Variants in ADRA1D observed in about 807,000 individuals in gnomAD.
The protein encoded by ADRA1D is alpha-1D adrenergic receptor.
ADRA1D carries 22 observed loss-of-function variants against 18.6 expected under a neutral mutation model. The ratio of observed to expected loss-of-function variants is 1.19; its 90% CI spans 0.85 to 1.69. The LOEUF (loss-of-function observed/expected upper bound fraction) is 1.69, where lower values mean the gene tolerates loss of function less well. Ranked by LOEUF, ADRA1D falls within the 40% of genes most tolerant of loss-of-function variation. The pLI is 0.00. For missense variants in ADRA1D, 840 were observed against 840.7 expected, an observed-to-expected ratio of 1.00 and a Z score of 0.01; for synonymous variants, 376 against 388.2, an observed-to-expected ratio of 0.97 and a Z score of 0.37.
chr20:4,233,179 G>A (rs1326165400), intron 1 of ADRA1D, among the ~76,000 whole-genome samples: 1 of 152,064 alleles, frequency 6.6e-6, no homozygotes, highest in Non-Finnish European at 1.5e-5. Context: ...AATCATCCAG[G>A]CTGGGTGTGG....
rs1371992311 is a variant in ADRA1D, at chr20:4,220,737, T to C, written c.*786A>G. 3 of 152,696 alleles carry C rather than the reference T, an allele frequency of 2.0e-5. No homozygotes were observed. The highest frequency in any genetic ancestry group is 1.3e-4 in the Admixed American group (2 of 15,296). The allele number at this position is 152,696 out of a possible 1,614,324, so 9.5% of individuals were successfully genotyped here. A position where few individuals can be genotyped will look rare whatever the true frequency, so the allele number is the denominator to read the frequency against. On this transcript the variant is annotated 3_prime_UTR_variant, in exon 2 of 2. Coordinates refer to ENST00000379453, the MANE Select transcript of ADRA1D (RefSeq NM_000678.4). ...GGTTATGGGCTAAAGAGGGACAGTT[T>C]GCACAGCTTGGACAAAATAGAAGTA...
At position 4,221,549 on chromosome 20, in the gene ADRA1D, T is replaced by C. The variant is rs1167789836; in HGVS notation, c.1693A>G (p.Ser565Gly). Residue 565 changes from serine to glycine, a missense_variant, in exon 2 of 2, where the codon AGC (serine) becomes GGC (glycine). Physicochemically the swap from Ser to Gly is moderately conservative, Grantham distance 56. Coordinates refer to ENST00000379453, the MANE Select transcript of ADRA1D (RefSeq NM_000678.4). ...TAAATATCGGTCTCCCGTAGGTTGC[T>C]GTAGTCGGCCAATTCGTAGGCCTGG... is the stretch of plus-strand genomic sequence containing the variant. ...TCQAYELADY[S>G]NLRETDI 3 of 1,611,534 alleles carry C rather than the reference T, an allele frequency of 1.9e-6. No individual in the cohort carries two copies. The highest frequency in any genetic ancestry group is 2.2e-5 in the South Asian group (2 of 90,942).
At chr20:4,242,548 C>A (rs766725793) in intron 1 of ADRA1D, among the ~76,000 whole-genome samples, 4 of 152,132 alleles carry the variant, frequency 2.6e-5, no homozygotes, top group African/African-American at 9.7e-5. Flanking sequence ...GGGTGGTCAG[C>A]GACACAGGCA....
At position 4,248,439 on chromosome 20, in the gene ADRA1D, G is replaced by T. The variant is rs761648746; in HGVS notation, c.519C>A (p.Ala173=). 3.1e-6 allele frequency: 5 copies of T among 1,611,882 alleles called. No individual in the cohort carries two copies. The highest frequency in any genetic ancestry group is 4.2e-6 in the Non-Finnish European group (5 of 1,179,236). ...CCGTGCAGCACAGCACGTCCACGGC[G>T]GCCCATACGTCGCAGAAGGCGCGGC... is the stretch of plus-strand genomic sequence containing the variant. ...AFGRAFCDVW[A]AVDVLCCTAS... Residue 173 remains alanine, a synonymous_variant, in exon 1 of 2, where the codon GCC becomes GCA. Transcript: ENST00000379453.
chr20:4,235,353 C>T (rs1480551878), intron 1 of ADRA1D, among the ~76,000 whole-genome samples: 1 of 152,226 alleles, frequency 6.6e-6, no homozygotes, highest in Admixed American at 6.5e-5. Flanking sequence ...CATCCTCTTG[C>T]ATCCTCTAGG....
chr20:4,225,428 C>CTTTTTTTTTTTTTTTTTTTT lies in ADRA1D; in HGVS notation c.1112-3299_1112-3298insAAAAAAAAAAAAAAAAAAAA, dbSNP rs11474446. ...GTAGCTATTACTTTTTTTTTTCTTT[C>CTTTTTTTTTTTTTTTTTTTT]TTTTTTTTTTTTTTTTGAGACAGGG... On this transcript the variant is annotated intron_variant, in intron 1 of 1. Coordinates refer to ENST00000379453, the MANE Select transcript of ADRA1D (RefSeq NM_000678.4). Among the ~76,000 whole-genome samples the CTTTTTTTTTTTTTTTTTTTT allele has an allele frequency of 1.0e-4, 12 of 119,516 alleles. 1 individual carries two copies. The highest frequency in any genetic ancestry group is 2.4e-4 in the East Asian group (1 of 4,144). 78.4% of individuals were successfully genotyped at this position (119,516 alleles called of 152,430 possible).
chr20:4,237,843 T>C (rs1422299309), intron 1 of ADRA1D, among the ~76,000 whole-genome samples: 1 of 150,296 alleles, frequency 6.7e-6, no homozygotes, highest in Non-Finnish European at 1.5e-5. Context: ...TTTGTATTTA[T>C]TTATTTATTT....
rs1041624113 is a variant in ADRA1D at position 4,221,797 on chromosome 20, G to A, written c.1445C>T (p.Ala482Val). The A allele has an allele frequency of 5.1e-6, 8 of 1,565,146 alleles. No individual in the cohort carries two copies. Among genetic ancestry groups the A allele is most frequent in the African/African-American group, 2.7e-5 (2 of 73,258 alleles). Residue 482 changes from alanine to valine, a missense_variant, in exon 2 of 2, where the codon GCT (alanine) becomes GTT (valine). Transcript: ENST00000379453. ...PEPPGTPEMQ[A>V]PVASRRKPPS... ...TGGCTTTCGACGGCTGGCGACCGGA[G>A]CCTGCATCTCGGGCGTGCCTGGGGG...
chr20:4,230,991 A>G (rs1056874047), intron 1 of ADRA1D, among the ~76,000 whole-genome samples: 1 of 140,998 alleles, frequency 7.1e-6, no homozygotes, highest in African/African-American at 2.6e-5. Context: ...CAGGTATGGG[A>G]CTCTTTCTTT....
intron 1 of ADRA1D, among the ~76,000 whole-genome samples, chr20:4,244,946 C>T (rs1199226377): frequency 6.6e-6 from 1 of 152,224 alleles, no homozygotes; most frequent in East Asian, 1.9e-4. Context: ...TGGTGCAGCA[C>T]AGACCATTAG....
intron 1 of ADRA1D, among the ~76,000 whole-genome samples, chr20:4,244,490 C>T (rs1981288431): frequency 1.3e-5 from 2 of 152,316 alleles, no homozygotes; most frequent in African/African-American, 2.4e-5. Context: ...GACTGCACTC[C>T]ATGCTCCTGC....
In ADRA1D at chr20:4,248,594, C is replaced by T; in HGVS notation, c.364G>A (p.Ala122Thr). 6.2e-7 allele frequency: 1 copy of T among 1,613,570 alleles called. No homozygotes were observed. The highest frequency in any genetic ancestry group is 8.5e-7 in the Non-Finnish European group (1 of 1,179,938). ...AGNLLVILSV[A>T]CNRHLQTVTN... is the part of the protein sequence containing the mutation. ...ACGGTCTGCAGGTGGCGGTTGCAGGCCACTGAGAGGATGACAAGCAGGTTA... is the reference window on the plus strand; with the variant it reads ...ACGGTCTGCAGGTGGCGGTTGCAGGTCACTGAGAGGATGACAAGCAGGTTA... The change falls in exon 1 of 2, where the codon GCC becomes ACC. Residue 122 changes from alanine to threonine, a missense_variant. By Grantham distance (58) the Ala-to-Thr change is moderately conservative. Coordinates refer to ENST00000379453, the MANE Select transcript of ADRA1D (RefSeq NM_000678.4).
rs370147908 is a variant in ADRA1D, at chr20:4,221,722, G to A, written c.1520C>T (p.Thr507Met). The change falls in exon 2 of 2, where the codon ACG becomes ATG. Residue 507 changes from threonine (T) to methionine (M), a missense_variant. Thr to Met is a moderately conservative substitution (Grantham distance 81, BLOSUM62 -1). Transcript: ENST00000379453. ...WRLLGPFRRP[T>M]TQLRAKVSSL... is the part of the protein sequence containing the mutation. ...GGAGACTTTGGCGCGCAGCTGGGTC[G>A]TGGGTCTCCGGAACGGCCCCAGCAG... 1 of 1,608,016 alleles carries A rather than the reference G, an allele frequency of 6.2e-7. No individual in the cohort carries two copies. Among genetic ancestry groups the A allele is most frequent in the East Asian group, 2.2e-5 (1 of 44,810 alleles).
chr20:4,238,008 G>A (rs1196727820), intron 1 of ADRA1D, among the ~76,000 whole-genome samples: 2 of 151,452 alleles, frequency 1.3e-5, no homozygotes, highest in Non-Finnish European at 2.9e-5. Flanking sequence ...AGCACTTTGG[G>A]AGGCCGAGGC....
chr20:4,231,038 T>C (rs965114047), intron 1 of ADRA1D, among the ~76,000 whole-genome samples: 9 of 108,522 alleles, frequency 8.3e-5, no homozygotes, highest in South Asian at 3.4e-4. Flanking sequence ...CTTTCTTTCT[T>C]TTTCTTTCTT....
intron 1 of ADRA1D, among the ~76,000 whole-genome samples, chr20:4,223,786 C>A (rs943809622): frequency 1.3e-5 from 2 of 152,178 alleles, no homozygotes; most frequent in Non-Finnish European, 2.9e-5. Context: ...TTTTACCCAA[C>A]TGTAGGTGAA....
rs1484973598 is a variant in ADRA1D, at chr20:4,243,883, C to T, written c.1111+3964G>A. Among the ~76,000 whole-genome samples the T allele has an allele frequency of 2.6e-5, 4 of 152,182 alleles. No individual in the cohort carries two copies. The East Asian group carries it at 5.8e-4, about 22-fold the overall frequency. Reference sequence around the variant, plus strand: ...CTGCAGTTGTTCCTCACAGGGAAAGCGGGGCAGCTGGAAGTGTAGGGGATG... The same window carrying T: ...CTGCAGTTGTTCCTCACAGGGAAAGTGGGGCAGCTGGAAGTGTAGGGGATG... On this transcript the variant is annotated intron_variant, in intron 1 of 1. Transcript: ENST00000379453.
At position 4,221,483 on chromosome 20, in the gene ADRA1D, C is replaced by T; in HGVS notation, c.*40G>A. ...AGCCCGCCTCTCTGGTCCCCCTTAC[C>T]CCCAAGCCCAGCACACTCCGCGGCC... On this transcript the variant is annotated 3_prime_UTR_variant, in exon 2 of 2. Coordinates refer to ENST00000379453, the MANE Select transcript of ADRA1D (RefSeq NM_000678.4). 1 of 1,566,722 alleles carries T rather than the reference C, an allele frequency of 6.4e-7. No individual in the cohort carries two copies. The highest frequency in any genetic ancestry group is 8.7e-7 in the Non-Finnish European group (1 of 1,152,550).
At chr20:4,227,715 CTT>C (rs1980847451) in intron 1 of ADRA1D, among the ~76,000 whole-genome samples, 8 of 88,676 alleles carry the variant, frequency 9.0e-5, no homozygotes, top group Non-Finnish European at 1.6e-4. Context: ...TCCTTCCTTC[CTT>C]CCTTCCTTCC....
Sources: gnomAD v4.1 joint callset for allele counts (sites outside exome capture counted in the v4.1 genomes callset) on GRCh38, gnomAD v4.1.1 for gene constraint, MANE v1.5 for transcripts, NCBI Gene and HGNC (gene_info 2026-07-23, HGNC 2026-07-21) for gene names.